Variants in MYO1F observed in about 807,000 individuals in gnomAD.
The protein encoded by MYO1F is unconventional myosin-If.
Under a neutral mutation model 146.6 loss-of-function variants are expected in MYO1F, and 60 were observed. The observed-to-expected ratio is 0.41, with a 90% CI of 0.33 to 0.51. The LOEUF (loss-of-function observed/expected upper bound fraction) is 0.51, where lower values mean the gene tolerates loss of function less well. MYO1F is among the 20% of genes least tolerant of loss of function. MYO1F has a pLI of 0.25. For synonymous variants in MYO1F, 602 were observed against 602.1 expected (o/e 1.00, Z 0.00); for missense variants, 1,274 against 1,534.3 (o/e 0.83, Z 2.83).
At chr19:8,525,243 A>C in intron 25 of MYO1F, 2 of 332,074 alleles carry the variant, frequency 6.0e-6, no homozygotes, top group African/African-American at 2.3e-5. Flanking sequence ...ACAGGGCAGG[A>C]GTGTAGGGTA....
intron 27 of MYO1F, among the ~76,000 whole-genome samples, chr19:8,521,971 C>T (rs562795461): frequency 6.6e-5 from 10 of 151,886 alleles, no homozygotes; most frequent in African/African-American, 1.9e-4. Context: ...TCTGTTCTCC[C>T]GTGGGGAGGG....
chr19:8,573,758 G>A (rs1297875508), intron 1 of MYO1F, among the ~76,000 whole-genome samples: 2 of 152,082 alleles, frequency 1.3e-5, no homozygotes, highest in Non-Finnish European at 2.9e-5. Flanking sequence ...GCTGAGGCAC[G>A]AGAATTGCTT....
chr19:8,547,980 C>G, intron 12 of MYO1F, 56 bp downstream of exon 12: 55 of 1,370,144 alleles, frequency 4.0e-5, no homozygotes, highest in Middle Eastern at 2.5e-4. Context: ...TCCTCATGGT[C>G]CTTCCACCCC....
intron 1 of MYO1F, among the ~76,000 whole-genome samples, chr19:8,574,551 CTT>C (rs1212208698): frequency 1.2e-5 from 1 of 85,998 alleles, no homozygotes; most frequent in African/African-American, 5.7e-5. Flanking sequence ...TTCTTTCTTT[CTT>C]TCTTTCTTTC....
chr19:8,536,019 G>A lies in MYO1F; in HGVS notation c.2043+233C>T, dbSNP rs186062890. Among the ~76,000 whole-genome samples, 87 of 151,992 alleles carry A rather than the reference G, an allele frequency of 5.7e-4. 1 individual carries two copies. Among genetic ancestry groups the A allele is most frequent in the Non-Finnish European group, 5.9e-5 (4 of 67,976 alleles). ...TTAATCTCTCGCTCAGTCTCTCTCA[G>A]TCTCTTACTTTCAGTCTATTAATCT... On this transcript the variant is annotated intron_variant, in intron 19 of 27. Transcript: ENST00000644032.
chr19:8,549,298 G>A (rs1568356047), intron 10 of MYO1F, among the ~76,000 whole-genome samples: 1 of 151,874 alleles, frequency 6.6e-6, no homozygotes, highest in Non-Finnish European at 1.5e-5. Context: ...TTGAGACAGG[G>A]TCTCAGTCTG....
At chr19:8,562,062 T>A (rs1408038561) in intron 1 of MYO1F, among the ~76,000 whole-genome samples, 1 of 150,806 alleles carries the variant, frequency 6.6e-6, no homozygotes, top group Admixed American at 6.7e-5. Context: ...TGAGATGGAG[T>A]CTTGCTCTGT....
chr19:8,541,680 C>T (rs1022724227), intron 15 of MYO1F: 42 of 557,224 alleles, frequency 7.5e-5, no homozygotes, highest in African/African-American at 2.3e-4. Flanking sequence ...TTGTCCACTT[C>T]GGCCTCCCAA....
chr19:8,560,745 T>TTTTTTC (rs1974057931), intron 1 of MYO1F, among the ~76,000 whole-genome samples: 1 of 147,480 alleles, frequency 6.8e-6, no homozygotes, highest in Non-Finnish European at 1.5e-5. Flanking sequence ...CTGGCTAATT[T>TTTTTTC]TTTTTTTTTT....
At chr19:8,526,634 GC>G in intron 23 of MYO1F, 33 bp from the exon 24 acceptor site, 2 of 1,569,734 alleles carry the variant, frequency 1.3e-6, no homozygotes, top group Non-Finnish European at 1.7e-6. Context: ...GGGGGCGCTG[GC>G]TGAGGTCCCC....
At position 8,530,049 on chromosome 19, in the gene MYO1F, T is replaced by C. The variant is rs2145836226; in HGVS notation, c.2328+147A>G. 2 of 1,078,368 alleles carry C rather than the reference T, an allele frequency of 1.9e-6. No individual in the cohort carries two copies. Among genetic ancestry groups the C allele is most frequent in the Non-Finnish European group, 1.4e-6 (1 of 711,600 alleles). The allele number at this position is 1,078,368 out of a possible 1,614,324, so 66.8% of individuals were successfully genotyped here. A position where few individuals can be genotyped will look rare whatever the true frequency, so the allele number is the denominator to read the frequency against. ...TGGGGGATCTATGCCTGTGGGCAGG[T>C]GCATATGGGCCAGGTGAGGGTGTAC... On this transcript the variant is annotated intron_variant, in intron 21 of 27. Coordinates refer to ENST00000644032, the MANE Select transcript of MYO1F (RefSeq NM_012335.4). The surrounding 1 kb of genome is among the most constrained non-coding windows in gnomAD (Gnocchi z 5.8).
At chr19:8,545,942 G>T (rs1418847725) in intron 12 of MYO1F, among the ~76,000 whole-genome samples, 2 of 151,964 alleles carry the variant, frequency 1.3e-5, no homozygotes, top group African/African-American at 4.8e-5. Flanking sequence ...GGAGTGGGTG[G>T]ATAAATACCC....
Position 8,533,355 on chromosome 19 carries a change from TTC to T in MYO1F, c.2044-2784_2044-2783del, listed in dbSNP as rs1276903576. Among the ~76,000 whole-genome samples, 811 of 136,524 alleles carry T rather than the reference TTC, an allele frequency of 5.9e-3. 2 individuals are homozygous for T. Among genetic ancestry groups the T allele is most frequent in the Middle Eastern group, 0.016 (3 of 184 alleles). 89.6% of individuals were successfully genotyped at this position (136,524 alleles called of 152,430 possible). A position where few individuals can be genotyped will look rare whatever the true frequency, so the allele number is the denominator to read the frequency against. ...CAGATTCTTCTTCTTCTTCTTCTTC[TTC>T]TTTTTTTTTTTTTTTGAGACGGAGT... On this transcript the variant is annotated intron_variant, in intron 19 of 27. Transcript: ENST00000644032.
At chr19:8,539,252 T>C (rs1972856009) in intron 16 of MYO1F, among the ~76,000 whole-genome samples, 1 of 151,800 alleles carries the variant, frequency 6.6e-6, no homozygotes, top group Non-Finnish European at 1.5e-5. Context: ...CTGTCTCTAC[T>C]GAAAATACAA....
chr19:8,537,649 G>C (rs556403792), intron 16 of MYO1F, among the ~76,000 whole-genome samples: 1 of 152,178 alleles, frequency 6.6e-6, no homozygotes, highest in Non-Finnish European at 1.5e-5. Flanking sequence ...GGTCAGGCTG[G>C]TCATGAACTC....
In MYO1F at chr19:8,541,417, G is replaced by GTTTTTTT. The variant is rs762175522; in HGVS notation, c.1610+488_1610+489insAAAAAAA. 4.5e-3 allele frequency among the ~76,000 whole-genome samples: 604 copies of GTTTTTTT among 134,100 alleles called. 3 individuals are homozygous for GTTTTTTT. Among genetic ancestry groups the GTTTTTTT allele is most frequent in the Middle Eastern group, 0.011 (3 of 264 alleles). 88.0% of individuals were successfully genotyped at this position (134,100 alleles called of 152,430 possible). Reference sequence around the variant, plus strand: ...TGCTATGTTCTTTGTGTGTGTGTGTGTGTGTGTGTTTTTTTTTTTTTTTTT... The same window carrying GTTTTTTT: ...TGCTATGTTCTTTGTGTGTGTGTGTGTTTTTTTTGTGTGTGTTTTTTTTTTTTTTTTT... On this transcript the variant is annotated intron_variant, in intron 15 of 27. Coordinates refer to ENST00000644032, the MANE Select transcript of MYO1F (RefSeq NM_012335.4).
Position 8,577,431 on chromosome 19 carries a change from C to G in MYO1F, c.-122G>C. 8.7e-7 allele frequency: 1 copy of G among 1,143,260 alleles called. No homozygotes were observed. The highest frequency in any genetic ancestry group is 1.3e-6 in the Non-Finnish European group (1 of 767,444). The allele number at this position is 1,143,260 out of a possible 1,614,324, so 70.8% of individuals were successfully genotyped here. A position where few individuals can be genotyped will look rare whatever the true frequency, so the allele number is the denominator to read the frequency against. On this transcript the variant is annotated 5_prime_UTR_variant, in exon 1 of 28. Coordinates refer to ENST00000644032, the MANE Select transcript of MYO1F (RefSeq NM_012335.4). This position sits in a 1 kb window ranked among gnomAD's most constrained non-coding sequence, Gnocchi z 4.3. ...CTGCTTCTGCCCGTTCACCGGACTC[C>G]CGGCTTTAGTTCCTCTTACAACAGC...
chr19:8,567,231 AATTTTTGT>A (rs1223650263), intron 1 of MYO1F, among the ~76,000 whole-genome samples: 1 of 150,830 alleles, frequency 6.6e-6, no homozygotes, highest in African/African-American at 2.4e-5. Flanking sequence ...CAAGCCTGCT[AATTTTTGT>A]ATTTTTAGTA....
intron 13 of MYO1F, 109 bp from the exon 14 acceptor site, chr19:8,544,573 C>T: frequency 1.1e-6 from 1 of 935,084 alleles, no homozygotes; most frequent in Admixed American, 2.4e-5. Flanking sequence ...GTGGAGGGAG[C>T]TAGAGCTTTG....
Sources: gnomAD v4.1 joint callset for allele counts (sites outside exome capture counted in the v4.1 genomes callset) on GRCh38, gnomAD v4.1.1 for gene constraint, Gnocchi (gnomAD v3.1) non-coding constraint, MANE v1.5 for transcripts, NCBI Gene and HGNC (gene_info 2026-07-23, HGNC 2026-07-21) for gene names.